The following MARCHF6 variants were observed in gnomAD, a reference collection of about 807,000 sequenced individuals.
MARCHF6 encodes the protein E3 ubiquitin-protein ligase MARCHF6.
MARCHF6 carries 31 observed loss-of-function variants against 133.7 expected under a neutral mutation model. The observed-to-expected ratio is 0.23, with a 90% CI of 0.17 to 0.31. The LOEUF is 0.31. Among genes scored for constraint, MARCHF6 ranks in the 10% least tolerant of loss-of-function variants. The pLI is 1.00. For missense variants in MARCHF6, 723 were observed against 1,121.6 expected (o/e 0.64, Z 5.08); for synonymous variants, 395 against 402.5 (o/e 0.98, Z 0.22).
At chr5:10,411,580 G>GT (rs752979871) in intron 19 of MARCHF6, 43 bp downstream of exon 19, 2 of 1,522,636 alleles carry the variant, frequency 1.3e-6, no homozygotes, top group Non-Finnish European at 8.9e-7. Context: ...GGTTTTTTTG[G>GT]TTTTTTTGTT....
At chr5:10,377,750 A>G (rs563142574) in intron 1 of MARCHF6, 48 bp from the exon 2 acceptor site, 6 of 1,383,340 alleles carry the variant, frequency 4.3e-6, no homozygotes, top group Non-Finnish European at 6.2e-6. Context: ...TTGCTTTTTT[A>G]AAAAAGTTAT....
intron 24 of MARCHF6, among the ~76,000 whole-genome samples, chr5:10,427,313 C>T (rs1026024468): frequency 2.0e-5 from 3 of 152,234 alleles, no homozygotes; most frequent in African/African-American, 7.2e-5. Flanking sequence ...CTTCTCCACA[C>T]TGGGCACAAT....
At chr5:10,375,415 C>T (rs1185313484) in intron 1 of MARCHF6, among the ~76,000 whole-genome samples, 1 of 152,244 alleles carries the variant, frequency 6.6e-6, no homozygotes, top group Non-Finnish European at 1.5e-5. Context: ...TCGGGACCTG[C>T]AGCCCGCCAT....
intron 1 of MARCHF6, among the ~76,000 whole-genome samples, chr5:10,356,339 T>TTTTA (rs1253947339): frequency 6.7e-6 from 1 of 148,554 alleles, no homozygotes. Flanking sequence ...TGGTTCTGTT[T>TTTTA]TTTATTTATT....
chr5:10,365,200 C>T (rs1736067909), intron 1 of MARCHF6, among the ~76,000 whole-genome samples: 2 of 152,076 alleles, frequency 1.3e-5, no homozygotes, highest in South Asian at 4.1e-4. Flanking sequence ...TTTCAGGCTT[C>T]CAGGAGCAAC....
intron 10 of MARCHF6, among the ~76,000 whole-genome samples, chr5:10,399,171 C>T (rs549348040): frequency 6.6e-6 from 1 of 152,250 alleles, no homozygotes; most frequent in Admixed American, 6.5e-5. Flanking sequence ...ACTTGCCCCT[C>T]CCAGGGGCCT....
intron 3 of MARCHF6, among the ~76,000 whole-genome samples, chr5:10,380,689 G>A (rs917504435): frequency 1.3e-4 from 20 of 152,118 alleles, no homozygotes; most frequent in African/African-American, 4.8e-4. Flanking sequence ...ACTTTGAAAG[G>A]CTGAGGCAGG....
Position 10,417,285 on chromosome 5 carries a change from A to G in MARCHF6, c.2164A>G (p.Ile722Val), listed in dbSNP as rs1256258420. ...TTCCTAATAGATCATGAAGACTTTGATAGTTGCGGTGCTGTTGGCTGGAGT... is the reference window on the plus strand; with the variant it reads ...TTCCTAATAGATCATGAAGACTTTGGTAGTTGCGGTGCTGTTGGCTGGAGT... ...EWSLMIMKTL[I>V]VAVLLAGVVP... The change falls in exon 22 of 26, where the codon ATA becomes GTA. Residue 722 changes from isoleucine (I) to valine (V), a missense_variant. By Grantham distance (29) the Ile-to-Val change is conservative. Around this residue, in one of 4 missense-constraint regions of MARCHF6, gnomAD observed 492 missense variants for 699.5 expected, o/e 0.70. Transcript: ENST00000274140. The G allele has an allele frequency of 1.2e-6, 2 of 1,611,386 alleles. No homozygotes were observed. The highest frequency in any genetic ancestry group is 1.7e-6 in the Non-Finnish European group (2 of 1,179,440).
At chr5:10,368,191 T>C (rs533251384) in intron 1 of MARCHF6, among the ~76,000 whole-genome samples, 2 of 152,348 alleles carry the variant, frequency 1.3e-5, no homozygotes, top group East Asian at 3.9e-4. Flanking sequence ...AAACAGGCTA[T>C]TCTTTTTTTG....
At chr5:10,407,544 G>A (rs1259542954) in intron 17 of MARCHF6, among the ~76,000 whole-genome samples, 1 of 152,176 alleles carries the variant, frequency 6.6e-6, no homozygotes, top group Admixed American at 6.5e-5. Flanking sequence ...GAGTGTATTA[G>A]CATCATCTTT....
intron 1 of MARCHF6, among the ~76,000 whole-genome samples, chr5:10,364,797 T>A (rs1736034989): frequency 6.6e-6 from 1 of 152,198 alleles, no homozygotes; most frequent in Non-Finnish European, 1.5e-5. Context: ...GCTGTTTCTC[T>A]GCTTCTTCTT....
At chr5:10,395,663 G>T (rs1738149539) in intron 9 of MARCHF6, among the ~76,000 whole-genome samples, 1 of 152,196 alleles carries the variant, frequency 6.6e-6, no homozygotes. Context: ...ACCCCTGCTG[G>T]TTGGAACATT....
chr5:10,376,852 G>C (rs915185002), intron 1 of MARCHF6, among the ~76,000 whole-genome samples: 14 of 152,208 alleles, frequency 9.2e-5, no homozygotes, highest in African/African-American at 2.9e-4. Flanking sequence ...CGGGATTGTA[G>C]TAAGTCGTCG....
intron 11 of MARCHF6, 44 bp downstream of exon 11, chr5:10,400,886 C>T: frequency 7.3e-7 from 1 of 1,365,736 alleles, no homozygotes; most frequent in Non-Finnish European, 1.0e-6. Context: ...TCATTACTCC[C>T]AAATGTGATT....
intron 3 of MARCHF6, among the ~76,000 whole-genome samples, chr5:10,380,360 C>G (rs185979857): frequency 6.6e-5 from 10 of 152,166 alleles, no homozygotes; most frequent in South Asian, 4.1e-4. Flanking sequence ...TTCTGTAGTA[C>G]GTAAAAGCTG....
chr5:10,386,989 G>C lies in MARCHF6; in HGVS notation c.335-5G>C. On this transcript the variant is annotated splice_polypyrimidine_tract_variant and splice_region_variant and intron_variant, in intron 4 of 25. Transcript: ENST00000274140. ...ACTGTGTGCCATCATGCTCTTTTTC[G>C]GTAGGCCGCATCTACAAGTGCTTGT... 6.2e-7 allele frequency: 1 copy of C among 1,611,990 alleles called. No individual in the cohort carries two copies. Among genetic ancestry groups the C allele is most frequent in the Non-Finnish European group, 8.5e-7 (1 of 1,178,372 alleles).
In MARCHF6 at chr5:10,405,695, T is replaced by C. The variant is rs369007850; in HGVS notation, c.1452+18T>C. On this transcript the variant is annotated intron_variant, in intron 16 of 25. Coordinates refer to ENST00000274140, the MANE Select transcript of MARCHF6 (RefSeq NM_005885.4). Reference sequence around the variant, plus strand: ...TGTCAGTGGTAAGAAGATGTTTCCATTGTTTTTTTTTTTTGAATTAATTGT... The same window carrying C: ...TGTCAGTGGTAAGAAGATGTTTCCACTGTTTTTTTTTTTTGAATTAATTGT... The C allele has an allele frequency of 1.0e-5, 16 of 1,571,112 alleles. No homozygotes were observed. In the African/African-American group the frequency reaches 1.3e-4, roughly 12 times the overall value.
chr5:10,383,589 C>A (rs1737284892), intron 4 of MARCHF6, among the ~76,000 whole-genome samples: 1 of 152,118 alleles, frequency 6.6e-6, no homozygotes, highest in African/African-American at 2.4e-5. Context: ...ACCTAAAATT[C>A]CCTTTCTGCA....
intron 1 of MARCHF6, chr5:10,354,536 C>G (rs943827073): frequency 2.6e-5 from 4 of 152,150 alleles, no homozygotes; most frequent in African/African-American, 9.7e-5. Flanking sequence ...AAGCAGGGTT[C>G]TGTTTGTTTT....
Sources: gnomAD v4.1 joint callset for allele counts (sites outside exome capture counted in the v4.1 genomes callset) on GRCh38, gnomAD v4.1.1 for gene constraint, gnomAD v4.1.1 regional missense constraint, MANE v1.5 for transcripts, NCBI Gene and HGNC (gene_info 2026-07-23, HGNC 2026-07-21) for gene names.